The following TENM3 variants were observed in gnomAD, a reference collection of about 807,000 sequenced individuals.
TENM3 encodes the protein teneurin transmembrane protein 3.
In TENM3, 63 loss-of-function variants were observed where a neutral mutation model predicts 255.1. The observed-to-expected ratio is 0.25, with a 90% confidence interval of 0.20 to 0.30. TENM3 has a LOEUF of 0.30. TENM3 is among the 10% of genes least tolerant of loss of function. The probability of loss-of-function intolerance (pLI) is 1.00; values close to 1 mark genes in which losing one functional copy is unlikely to be tolerated. For missense variants in TENM3, 2,929 were observed against 3,461.1 expected (o/e 0.85, Z 3.86); for synonymous variants, 1,306 against 1,322.3 (o/e 0.99, Z 0.27).
chr4:182,165,688 C>T (rs535196648), intron 1 of TENM3, among the ~76,000 whole-genome samples: 1 of 152,326 alleles, frequency 6.6e-6, no homozygotes, highest in South Asian at 2.1e-4. Context: ...GTTATTGCAG[C>T]ATGCAGCACA....
At chr4:182,469,727 AAAG>A (rs1283396327) in intron 3 of TENM3, among the ~76,000 whole-genome samples, 2 of 152,032 alleles carry the variant, frequency 1.3e-5, no homozygotes, top group Non-Finnish European at 2.9e-5. Flanking sequence ...AAAAAAAAAA[AAAG>A]AGAACTGGAA....
intron 1 of TENM3, among the ~76,000 whole-genome samples, chr4:182,271,262 C>T (rs879862377): frequency 1.3e-5 from 2 of 152,180 alleles, no homozygotes; most frequent in African/African-American, 2.4e-5. Flanking sequence ...AGTTCAAAGC[C>T]TAACCACCCC....
At chr4:181,682,449 A>G in the TENM3 span, among the ~76,000 whole-genome samples, 1 of 152,304 alleles carries the variant, frequency 6.6e-6, no homozygotes, top group Admixed American at 6.5e-5. Context: ...ACTGATTGTT[A>G]AAACAGTTGG....
chr4:182,139,103 T>C (rs1170674717), upstream of TENM3, among the ~76,000 whole-genome samples: 1 of 152,044 alleles, frequency 6.6e-6, no homozygotes, highest in African/African-American at 2.4e-5. Flanking sequence ...TAGGCTTGTG[T>C]GTCCAAAGAG....
chr4:182,606,655 G>A (rs904782214), intron 4 of TENM3, among the ~76,000 whole-genome samples: 10 of 151,880 alleles, frequency 6.6e-5, no homozygotes, highest in African/African-American at 1.9e-4. Flanking sequence ...TCAGGCTGAA[G>A]TAGAGGCTTC....
chr4:182,162,054 AAAAC>A (rs1229351381), intron 1 of TENM3, among the ~76,000 whole-genome samples: 9 of 147,250 alleles, frequency 6.1e-5, no homozygotes, highest in East Asian at 2.1e-4. Context: ...TTTCTTTTTT[AAAAC>A]AAACAAACAA....
At chr4:182,514,946 T>C (rs115319973) in intron 3 of TENM3, among the ~76,000 whole-genome samples, 5,363 of 152,208 alleles carry the variant, frequency 0.035, 177 homozygotes, top group Admixed American at 0.06. Context: ...GAAACAATAG[T>C]ACATCCTAAT....
At chr4:182,624,441 G>A (rs997106895) in intron 4 of TENM3, among the ~76,000 whole-genome samples, 1 of 152,146 alleles carries the variant, frequency 6.6e-6, no homozygotes, top group Non-Finnish European at 1.5e-5. Context: ...GTCCCTTCGA[G>A]CATGGCATGG....
At chr4:182,314,406 G>A (rs1189601656) in intron 1 of TENM3, among the ~76,000 whole-genome samples, 1 of 152,124 alleles carries the variant, frequency 6.6e-6, no homozygotes, top group Non-Finnish European at 1.5e-5. Context: ...TATACATGTA[G>A]GATAAGTGAA....
chr4:181,902,187 C>CAAAA, the TENM3 span, among the ~76,000 whole-genome samples: 166 of 144,044 alleles, frequency 1.2e-3, 2 homozygotes, highest in East Asian at 3.1e-3. Flanking sequence ...TTAAAAGAGC[C>CAAAA]AAAAAAAAAA....
chr4:181,487,266 T>C, the TENM3 span, among the ~76,000 whole-genome samples: 1 of 152,192 alleles, frequency 6.6e-6, no homozygotes, highest in African/African-American at 2.4e-5. Context: ...TTTTGTTTGT[T>C]TGACTGTTTA....
chr4:181,915,031 G>A, the TENM3 span, among the ~76,000 whole-genome samples: 11 of 152,250 alleles, frequency 7.2e-5, no homozygotes, highest in South Asian at 8.3e-4. Context: ...GCCCTGGGCC[G>A]TTTTTTCCCA....
rs79031507 is a variant in TENM3 at position 182,490,659 on chromosome 4, C to T, written c.512-110265C>T. On this transcript the variant is annotated intron_variant, in intron 3 of 27. Transcript: ENST00000511685. ...TACCCCGTTATCTATGTTAGTTGTG[C>T]GAAAAATTGCATGAAAAATACATTT... Among the ~76,000 whole-genome samples the T allele has an allele frequency of 4.3e-3, 653 of 152,068 alleles. 6 individuals carry two copies. Among genetic ancestry groups the T allele is most frequent in the African/African-American group, 0.015 (625 of 41,476 alleles).
intron 24 of TENM3, among the ~76,000 whole-genome samples, chr4:182,783,163 C>T (rs910067356): frequency 6.6e-6 from 1 of 152,162 alleles, no homozygotes; most frequent in African/African-American, 2.4e-5. Context: ...ATGGTCTTTA[C>T]ATTTTGGCAT....
intron 1 of TENM3, among the ~76,000 whole-genome samples, chr4:182,167,083 T>A (rs1751769353): frequency 6.6e-6 from 1 of 152,194 alleles, no homozygotes; most frequent in Non-Finnish European, 1.5e-5. Flanking sequence ...AAAAGTTAAG[T>A]GTACTTCAAG....
chr4:182,794,032 A>G, intron 26 of TENM3, 147 bp downstream of exon 26: 1 of 728,156 alleles, frequency 1.4e-6, no homozygotes, highest in Non-Finnish European at 2.2e-6. Flanking sequence ...TTATTTCTTT[A>G]TGGAACCATA....
At chr4:182,336,843 C>CTTTTTT (rs34620762) in intron 2 of TENM3, among the ~76,000 whole-genome samples, 2 of 113,492 alleles carry the variant, frequency 1.8e-5, no homozygotes, top group Non-Finnish European at 3.7e-5. Flanking sequence ...TTATTCTTAG[C>CTTTTTT]TTTTTTTTTT....
chr4:182,250,435 T>C (rs1409766706), intron 1 of TENM3, among the ~76,000 whole-genome samples: 1 of 152,062 alleles, frequency 6.6e-6, no homozygotes, highest in Non-Finnish European at 1.5e-5. Context: ...GATGAGGAAA[T>C]GGAATAGAAA....
At chr4:181,635,818 T>C in the TENM3 span, among the ~76,000 whole-genome samples, 1 of 152,040 alleles carries the variant, frequency 6.6e-6, no homozygotes, top group African/African-American at 2.4e-5. Flanking sequence ...TAGCATAGGC[T>C]TCTGGAGGGA....
Sources: gnomAD v4.1 joint callset for allele counts (sites outside exome capture counted in the v4.1 genomes callset) on GRCh38, gnomAD v4.1.1 for gene constraint, MANE v1.5 for transcripts, NCBI Gene and HGNC (gene_info 2026-07-23, HGNC 2026-07-21) for gene names.